The following UBE2F variants were observed in gnomAD, a reference collection of about 807,000 sequenced individuals.
UBE2F encodes the protein ubiquitin conjugating enzyme E2 F (putative).
Under a neutral mutation model 29.6 loss-of-function variants are expected in UBE2F, and 5 were observed. That is an observed-to-expected ratio of 0.17 (90% CI 0.09 to 0.36). The LOEUF (loss-of-function observed/expected upper bound fraction) is 0.36, where lower values mean the gene tolerates loss of function less well. UBE2F is among the 10% of genes least tolerant of loss of function. The pLI is 1.00. For missense variants in UBE2F, 141 were observed against 228.5 expected, an observed-to-expected ratio of 0.62 and a Z score of 2.47; for synonymous variants, 66 against 81.8, an observed-to-expected ratio of 0.81 and a Z score of 1.04.
chr2:238,020,323 AT>A (rs774744025), intron 5 of UBE2F, among the ~76,000 whole-genome samples: 11 of 152,282 alleles, frequency 7.2e-5, no homozygotes, highest in Non-Finnish European at 1.3e-4. Context: ...AAGAGATGAA[AT>A]AATTCAGTCA....
chr2:237,973,764 TC>T (rs1438515490), intron 2 of UBE2F: 1 of 1,181,384 alleles, frequency 8.5e-7, no homozygotes. Context: ...AGAAACTTTA[TC>T]CTTGGAGAAG....
chr2:237,991,725 C>CT (rs2106348602), intron 3 of UBE2F, among the ~76,000 whole-genome samples: 1 of 151,432 alleles, frequency 6.6e-6, no homozygotes, highest in Non-Finnish European at 1.5e-5. Flanking sequence ...GCCTCAGCCT[C>CT]CTGAGTAGCT....
At chr2:237,991,155 C>T (rs2063578804) in intron 3 of UBE2F, among the ~76,000 whole-genome samples, 1 of 152,182 alleles carries the variant, frequency 6.6e-6, no homozygotes, top group Admixed American at 6.5e-5. Flanking sequence ...AGACAGCATG[C>T]TCCCTGCCCC....
intron 5 of UBE2F, among the ~76,000 whole-genome samples, chr2:238,020,516 A>G (rs2064267540): frequency 6.6e-6 from 1 of 152,190 alleles, no homozygotes; most frequent in African/African-American, 2.4e-5. Flanking sequence ...TCTGTACTTC[A>G]TAAGGACTTG....
intron 1 of UBE2F, among the ~76,000 whole-genome samples, chr2:237,970,472 T>A (rs1359344631): frequency 6.6e-6 from 1 of 152,188 alleles, no homozygotes; most frequent in East Asian, 1.9e-4. Flanking sequence ...GCAGCCTACC[T>A]TCTGGGCCTC....
In UBE2F at chr2:238,032,222, G is replaced by T; in HGVS notation, c.412G>T (p.Asp138Tyr). ...TTTTCTGTTTTCTTTTTTATTTCAG[G>T]ATGTCGTTTGGGGATTAAACTCTTT... ...TGWAPTRTLK[D>Y]VVWGLNSLFT... Residue 138 changes from aspartate to tyrosine, a missense_variant and splice_region_variant, in exon 8 of 10, where the codon GAT becomes TAT. Coordinates refer to ENST00000272930, the MANE Select transcript of UBE2F (RefSeq NM_080678.3). The T allele has an allele frequency of 6.2e-7, 1 of 1,612,778 alleles. No individual in the cohort carries two copies. The highest frequency in any genetic ancestry group is 8.5e-7 in the Non-Finnish European group (1 of 1,179,126).
rs1446923 is a variant in UBE2F, at chr2:237,967,903, T to C, written c.-17+771T>C. On this transcript the variant is annotated intron_variant, in intron 1 of 9. Transcript: ENST00000272930. The surrounding 1 kb of genome is among the most constrained non-coding windows in gnomAD (Gnocchi z 6.3). ...TCATCTGTCACAGGAGAGAATTGGG[T>C]CCCCCCACTCTGCATTCCCGACCGC... Among the ~76,000 whole-genome samples the C allele has an allele frequency of 0.86, 131,472 of 152,066 alleles. 57,014 individuals carry two copies. The highest frequency in any genetic ancestry group is 0.97 in the East Asian group (5,000 of 5,158).
chr2:238,016,956 A>C (rs1401104201), intron 5 of UBE2F, among the ~76,000 whole-genome samples: 1 of 152,260 alleles, frequency 6.6e-6, no homozygotes, highest in African/African-American at 2.4e-5. Context: ...TGTTCATGAT[A>C]TAACACCAAA....
chr2:237,970,406 C>T (rs1306784113), intron 1 of UBE2F, among the ~76,000 whole-genome samples: 1 of 152,166 alleles, frequency 6.6e-6, no homozygotes, highest in African/African-American at 2.4e-5. Context: ...TTGTCATCCA[C>T]AAGAGGGAAA....
intron 3 of UBE2F, among the ~76,000 whole-genome samples, chr2:237,990,049 C>G (rs150904265): frequency 7.5e-6 from 1 of 133,934 alleles, no homozygotes; most frequent in African/African-American, 2.8e-5. Context: ...ACCCAGGAGG[C>G]GGAGGTTGCG....
In UBE2F at chr2:238,036,054, A is replaced by C. The variant is rs535924496; in HGVS notation, c.507+114A>C. 6 of 940,216 alleles carry C rather than the reference A, an allele frequency of 6.4e-6. No individual in the cohort carries two copies. The South Asian group carries it at 9.0e-5, about 14-fold the overall frequency. The allele number at this position is 940,216 out of a possible 1,614,324, so 58.2% of individuals were successfully genotyped here. ...TCCACCAAGAGAGTGGTGGGATGCA[A>C]GGCTGGAATTCAAAGCAATTTGTAA... On this transcript the variant is annotated intron_variant, in intron 9 of 9. Transcript: ENST00000272930.
At position 237,967,232 on chromosome 2, in the gene UBE2F, C is replaced by A; in HGVS notation, c.-17+100C>A. On this transcript the variant is annotated intron_variant, in intron 1 of 9. Transcript: ENST00000272930. The surrounding 1 kb of genome is among the most constrained non-coding windows in gnomAD (Gnocchi z 6.3). ...CGGAGGGCGCGGGCGGTGGCGGGGCCGCCTCGGGCCCGCCGGGTTCCTCAC... is the reference window on the plus strand; with the variant it reads ...CGGAGGGCGCGGGCGGTGGCGGGGCAGCCTCGGGCCCGCCGGGTTCCTCAC... The A allele has an allele frequency of 2.4e-6, 2 of 821,028 alleles. No homozygotes were observed. Among genetic ancestry groups the A allele is most frequent in the South Asian group, 5.3e-5 (1 of 18,850 alleles). The allele number at this position is 821,028 out of a possible 1,614,324, so 50.9% of individuals were successfully genotyped here. A position where few individuals can be genotyped will look rare whatever the true frequency, so the allele number is the denominator to read the frequency against.
intron 9 of UBE2F, among the ~76,000 whole-genome samples, chr2:238,039,134 C>G (rs1358423839): frequency 6.6e-6 from 1 of 152,204 alleles, no homozygotes; most frequent in Non-Finnish European, 1.5e-5. Context: ...ACTTGGGAGG[C>G]TGAGTCAGGA....
chr2:238,028,246 G>C (rs1335274451), intron 6 of UBE2F, among the ~76,000 whole-genome samples: 1 of 152,250 alleles, frequency 6.6e-6, no homozygotes, highest in African/African-American at 2.4e-5. Flanking sequence ...GCCCCAGCCA[G>C]ATGCAAAGCC....
At chr2:237,972,610 G>T (rs1456768844) in intron 1 of UBE2F, among the ~76,000 whole-genome samples, 6 of 143,346 alleles carry the variant, frequency 4.2e-5, no homozygotes, top group African/African-American at 1.3e-4. Flanking sequence ...GAGTGCAGTG[G>T]CACAATCACG....
At chr2:237,988,063 A>ACAAGGTTATTAAAAC in intron 3 of UBE2F, 71 bp downstream of exon 3, 1 of 848,744 alleles carries the variant, frequency 1.2e-6, no homozygotes, top group Non-Finnish European at 1.8e-6. Flanking sequence ...ATGTTTTAAT[A>ACAAGGTTATTAAAAC]ACCTTGTATA....
rs200913627 is a variant in UBE2F at position 237,994,831 on chromosome 2, T to C, written c.214+22T>C. The C allele has an allele frequency of 3.5e-4, 559 of 1,600,856 alleles. 8 individuals are homozygous for C. The highest frequency in any genetic ancestry group is 2.2e-4 in the Admixed American group (13 of 59,962). On this transcript the variant is annotated intron_variant, in intron 4 of 9. Coordinates refer to ENST00000272930, the MANE Select transcript of UBE2F (RefSeq NM_080678.3). The stretch of plus-strand genomic sequence containing the variant: ...CCAGGTAATATTCTTACATAAGTAT[T>C]AAAGTGATTTCAAACAGCGAATTAT...
intron 5 of UBE2F, among the ~76,000 whole-genome samples, chr2:238,020,366 A>G (rs1451869299): frequency 6.6e-6 from 1 of 152,216 alleles, no homozygotes; most frequent in Non-Finnish European, 1.5e-5. Flanking sequence ...ACAGGCATTC[A>G]GGATAGAGTG....
chr2:238,036,138 A>G (rs917902722), intron 9 of UBE2F, among the ~76,000 whole-genome samples, 198 bp downstream of exon 9: 5 of 152,032 alleles, frequency 3.3e-5, no homozygotes, highest in Non-Finnish European at 5.9e-5. Flanking sequence ...AAGGTTGGAG[A>G]GAATTGGTGT....
Sources: allele counts gnomAD v4.1 joint callset (sites outside exome capture counted in the v4.1 genomes callset), GRCh38; gene constraint gnomAD v4.1.1; non-coding constraint Gnocchi (gnomAD v3.1); transcripts MANE v1.5; gene names NCBI Gene and HGNC (gene_info 2026-07-23, HGNC 2026-07-21).